C9orf85: variants seen among roughly 807,000 people sequenced by gnomAD.
C9orf85 encodes uncharacterized protein C9orf85.
C9orf85 carries 16 observed loss-of-function variants against 14.9 expected under a neutral mutation model. The observed-to-expected ratio is 1.08, with a 90% confidence interval of 0.73 to 1.63. The LOEUF (loss-of-function observed/expected upper bound fraction) is 1.63. Ranked by LOEUF, C9orf85 falls within the 40% of genes most tolerant of loss-of-function variation. The pLI, the probability that C9orf85 is intolerant of heterozygous loss-of-function variation, is 0.00. For missense variants in C9orf85, 172 were observed against 186.1 expected (o/e 0.92, Z 0.44); for synonymous variants, 45 against 56.8 (o/e 0.79, Z 0.93).
chr9:71,942,378 G>A (rs1052737397), intron 1 of C9orf85, among the ~76,000 whole-genome samples: 1 of 152,166 alleles, frequency 6.6e-6, no homozygotes, highest in Non-Finnish European at 1.5e-5. Context: ...CAGACAATGA[G>A]TTATGTTTTA....
chr9:71,919,350 A>G (rs548150003), intron 1 of C9orf85, among the ~76,000 whole-genome samples: 1 of 152,330 alleles, frequency 6.6e-6, no homozygotes, highest in African/African-American at 2.4e-5. Flanking sequence ...TTCTCAGCCA[A>G]TGGGCATCAG....
chr9:71,933,540 A>G (rs1237647882), intron 1 of C9orf85, among the ~76,000 whole-genome samples: 2 of 152,214 alleles, frequency 1.3e-5, no homozygotes, highest in Admixed American at 6.5e-5. Context: ...ACTTAAAGGA[A>G]CCACTCTACA....
At chr9:71,952,522 A>G (rs1320123687) in intron 2 of C9orf85, among the ~76,000 whole-genome samples, 7 of 151,450 alleles carry the variant, frequency 4.6e-5, no homozygotes, top group African/African-American at 1.5e-4. Context: ...CCACCACCAC[A>G]CCCGGCTAAT....
chr9:71,980,661 T>C (rs967369508), intron 3 of C9orf85, among the ~76,000 whole-genome samples: 2 of 152,166 alleles, frequency 1.3e-5, no homozygotes, highest in African/African-American at 2.4e-5. Flanking sequence ...GAAAAACATA[T>C]AATGAGTAAT....
intron 1 of C9orf85, 51 bp from the exon 2 acceptor site, chr9:71,946,955 A>T (rs1564091781): frequency 7.7e-7 from 1 of 1,298,618 alleles, no homozygotes; most frequent in Non-Finnish European, 1.1e-6. Context: ...GGGATTTGCA[A>T]TGCTGGCTCA....
At chr9:71,935,051 C>T (rs563858878) in intron 1 of C9orf85, among the ~76,000 whole-genome samples, 2 of 152,064 alleles carry the variant, frequency 1.3e-5, no homozygotes, top group South Asian at 4.1e-4. Flanking sequence ...CAGATGAAAA[C>T]TACAAGATAC....
At chr9:71,950,975 G>A (rs968573030) in intron 2 of C9orf85, among the ~76,000 whole-genome samples, 13 of 151,984 alleles carry the variant, frequency 8.6e-5, no homozygotes, top group Non-Finnish European at 1.5e-4. Context: ...TTGTTCGTGC[G>A]ATCCAATGCC....
At chr9:71,969,281 T>C (rs2132355851) in intron 2 of C9orf85, among the ~76,000 whole-genome samples, 1 of 152,198 alleles carries the variant, frequency 6.6e-6, no homozygotes, top group Middle Eastern at 3.4e-3. Context: ...CCCAAGTAGC[T>C]GGGATTACAC....
intron 1 of C9orf85, among the ~76,000 whole-genome samples, chr9:71,916,676 A>G (rs1827660453): frequency 6.6e-6 from 1 of 152,172 alleles, no homozygotes; most frequent in African/African-American, 2.4e-5. Context: ...GTTGAGTATT[A>G]TTTATCTGAA....
chr9:71,917,199 G>A (rs1827671809), intron 1 of C9orf85, among the ~76,000 whole-genome samples: 1 of 152,134 alleles, frequency 6.6e-6, no homozygotes, highest in African/African-American at 2.4e-5. Flanking sequence ...ACCAGATTAG[G>A]GTCAGAACAG....
At position 71,971,572 on chromosome 9, in the gene C9orf85, C is replaced by A; in HGVS notation, c.277C>A (p.Leu93Ile). The change falls in exon 3 of 4, where the codon CTT (leucine) becomes ATT (isoleucine). Residue 93 changes from leucine to isoleucine, a missense_variant. Leu to Ile is a conservative substitution (Grantham distance 5, BLOSUM62 2). Transcript: ENST00000334731. ...HIMCRPCACELEVCAKCGKKE... is the reference protein window; with the variant it reads ...HIMCRPCACEIEVCAKCGKKE... ...AATGTGCAGGCCATGTGCCTGTGAA[C>A]TTGAAGTTTGCGCAAAATGTGGAAA... is the stretch of plus-strand genomic sequence containing the variant. 1 of 1,612,176 alleles carries A rather than the reference C, an allele frequency of 6.2e-7. No homozygotes were observed. Among genetic ancestry groups the A allele is most frequent in the Non-Finnish European group, 8.5e-7 (1 of 1,179,268 alleles).
intron 2 of C9orf85, among the ~76,000 whole-genome samples, chr9:71,954,313 G>C (rs905887054): frequency 6.6e-6 from 1 of 152,004 alleles, no homozygotes; most frequent in East Asian, 1.9e-4. Context: ...AGGGAAAAAG[G>C]TGTTACTGTT....
chr9:71,963,066 A>T (rs999233831), intron 2 of C9orf85, among the ~76,000 whole-genome samples: 1 of 152,164 alleles, frequency 6.6e-6, no homozygotes, highest in Admixed American at 6.5e-5. Context: ...CACCAAAAAA[A>T]AAGGTTGTGT....
At chr9:71,918,542 G>T in intron 1 of C9orf85, 2 of 742,436 alleles carry the variant, frequency 2.7e-6, no homozygotes, top group South Asian at 3.1e-5. Context: ...CACACAGCAG[G>T]AGTTGAACTG....
intron 1 of C9orf85, among the ~76,000 whole-genome samples, chr9:71,930,079 G>A (rs978882320): frequency 1.4e-4 from 21 of 151,292 alleles, no homozygotes; most frequent in African/African-American, 5.1e-4. Context: ...GCAGTCTTTT[G>A]AATAAAAATT....
At chr9:71,985,474 C>T (rs1421328777), downstream of C9orf85, 1 of 152,250 alleles carries the variant, frequency 6.6e-6, no homozygotes, top group Non-Finnish European at 1.5e-5. Context: ...AATTCTTGGG[C>T]TCTGCCCTAG....
intron 1 of C9orf85, among the ~76,000 whole-genome samples, chr9:71,913,599 G>A (rs1479652908): frequency 6.6e-6 from 1 of 152,144 alleles, no homozygotes; most frequent in Non-Finnish European, 1.5e-5. Context: ...TTATCAATAG[G>A]TAAACCAGAA....
At chr9:71,985,556 A>G (rs1163482449), downstream of C9orf85, 2 of 152,244 alleles carry the variant, frequency 1.3e-5, no homozygotes, top group Admixed American at 1.3e-4. Flanking sequence ...TTATTTGACA[A>G]AAGTTTGCAA....
At chr9:71,941,108 T>C (rs181173112) in intron 1 of C9orf85, among the ~76,000 whole-genome samples, 30 of 152,342 alleles carry the variant, frequency 2.0e-4, no homozygotes, top group Admixed American at 9.8e-4. Context: ...TTTTTTGATA[T>C]GTATGTACTT....
Sources: gnomAD v4.1 joint callset for allele counts (sites outside exome capture counted in the v4.1 genomes callset) on GRCh38, gnomAD v4.1.1 for gene constraint, MANE v1.5 for transcripts, NCBI Gene and HGNC (gene_info 2026-07-23, HGNC 2026-07-21) for gene names.